Variants in HIP1 observed in about 807,000 individuals in gnomAD.
HIP1 encodes the protein huntingtin-interacting protein 1.
Under a neutral mutation model 147.6 loss-of-function variants are expected in HIP1, and 65 were observed. The observed-to-expected ratio is 0.44, with a 90% CI of 0.36 to 0.54. HIP1 has a LOEUF of 0.54. HIP1 is among the 20% of genes least tolerant of loss of function. The pLI, the probability that HIP1 is intolerant of heterozygous loss-of-function variation, is 0.00. For missense variants in HIP1, 1,061 were observed against 1,299.6 expected (o/e 0.82, Z 2.82); for synonymous variants, 479 against 504.0 (o/e 0.95, Z 0.67).
rs558802940 is a variant in HIP1 at position 75,681,205 on chromosome 7, G to A, written c.120+57596C>T. ...TGGGATTACGGGCATGAGCCACCGC[G>A]CCCAGTGATAAAATATAACTTTCTC... is the stretch of plus-strand genomic sequence containing the variant. On this transcript the variant is annotated intron_variant, in intron 1 of 30. Transcript: ENST00000336926. 1.2e-3 allele frequency among the ~76,000 whole-genome samples: 182 copies of A among 152,160 alleles called. 1 individual carries two copies. Among genetic ancestry groups the A allele is most frequent in the Non-Finnish European group, 1.5e-3 (105 of 67,994 alleles).
chr7:75,557,657 C>A lies in HIP1; in HGVS notation c.1578G>T (p.Arg526=). Residue 526 remains arginine (R), a synonymous_variant, in exon 16 of 31, where the codon CGG becomes CGT. Coordinates refer to ENST00000336926, the MANE Select transcript of HIP1 (RefSeq NM_005338.7). ...SLERISDQGQ[R]KTQEQLEVLE... ...GAGTGCTCCTCGTCCCACTCACCTT[C>A]CGCTGGCCCTGGTCACTGATGCGCT... 6.2e-7 allele frequency: 1 copy of A among 1,611,978 alleles called. No homozygotes were observed. Among genetic ancestry groups the A allele is most frequent in the Non-Finnish European group, 8.5e-7 (1 of 1,178,084 alleles).
chr7:75,698,811 C>G (rs188116055), intron 1 of HIP1, among the ~76,000 whole-genome samples: 6 of 149,772 alleles, frequency 4.0e-5, no homozygotes, highest in Non-Finnish European at 1.5e-5. Flanking sequence ...AGAGTGAGAC[C>G]CTGCCTCTTA....
At chr7:75,551,115 G>A (rs978813646) in intron 22 of HIP1, among the ~76,000 whole-genome samples, 4 of 150,250 alleles carry the variant, frequency 2.7e-5, no homozygotes, top group Non-Finnish European at 5.9e-5. Flanking sequence ...ATATACAGTA[G>A]GACTCCATTT....
At chr7:75,645,438 G>A (rs1554511024) in intron 1 of HIP1, among the ~76,000 whole-genome samples, 1 of 152,068 alleles carries the variant, frequency 6.6e-6, no homozygotes, top group African/African-American at 2.4e-5. Context: ...TGTGGGCCAG[G>A]CTGGTCTCAA....
rs192352607 is a variant in HIP1, at chr7:75,619,582, G to C, written c.121-20335C>G. On this transcript the variant is annotated intron_variant, in intron 1 of 30. Transcript: ENST00000336926. ...AAGAATGAGAGCAAAGAATAAAGAT[G>C]GTGGAAATGTGAAGAATGAAGTCAG... Among the ~76,000 whole-genome samples the C allele has an allele frequency of 6.2e-3, 943 of 151,702 alleles. 3 individuals carry two copies. The highest frequency in any genetic ancestry group is 0.016 in the Admixed American group (248 of 15,202).
intron 1 of HIP1, among the ~76,000 whole-genome samples, chr7:75,631,473 C>T (rs1312134763): frequency 1.3e-5 from 2 of 152,092 alleles, no homozygotes; most frequent in Non-Finnish European, 2.9e-5. Context: ...AGGATGCAGA[C>T]GAGCCTCCCT....
chr7:75,651,453 C>T (rs556780561), intron 1 of HIP1, among the ~76,000 whole-genome samples: 22 of 84,662 alleles, frequency 2.6e-4, no homozygotes, highest in Admixed American at 3.4e-4. Flanking sequence ...AGTGAGACTC[C>T]ATATCTCAAA....
At chr7:75,560,842 A>C (rs939364093) in intron 13 of HIP1, among the ~76,000 whole-genome samples, 3 of 151,212 alleles carry the variant, frequency 2.0e-5, no homozygotes, top group African/African-American at 7.3e-5. Context: ...TGATCCTCCT[A>C]CCTCAGCCTC....
intron 30 of HIP1, among the ~76,000 whole-genome samples, 173 bp downstream of exon 30, chr7:75,539,150 G>A (rs1250332638): frequency 6.6e-6 from 1 of 152,174 alleles, no homozygotes; most frequent in African/African-American, 2.4e-5. Flanking sequence ...CCCAAAGTTA[G>A]GCTTAAAGGT....
intron 1 of HIP1, among the ~76,000 whole-genome samples, chr7:75,648,177 TTGGAGTAGCTGAGGGCTGGA>T (rs1209719445): frequency 6.6e-6 from 1 of 152,036 alleles, no homozygotes; most frequent in Admixed American, 6.6e-5. Flanking sequence ...CTGAGGCTGG[TTGGAGTAGCTGAGGGCTGGA>T]TGGAGTAGCT....
intron 1 of HIP1, among the ~76,000 whole-genome samples, chr7:75,693,284 T>C (rs1390430386): frequency 2.6e-5 from 4 of 152,182 alleles, no homozygotes; most frequent in Non-Finnish European, 5.9e-5. Context: ...AACTCCTTTG[T>C]TGTTTTATTT....
intron 8 of HIP1, among the ~76,000 whole-genome samples, chr7:75,571,136 T>G (rs587734228): frequency 8.6e-6 from 1 of 116,404 alleles, no homozygotes; most frequent in Admixed American, 9.3e-5. Flanking sequence ...AAGAAGGCCT[T>G]TAAACCCAAA....
rs1162572341 is a variant in HIP1, at chr7:75,663,975, CAT to C, written c.121-64730_121-64729del. Among the ~76,000 whole-genome samples the C allele has an allele frequency of 1.4e-3, 20 of 14,772 alleles. 2 individuals carry two copies. The highest frequency in any genetic ancestry group is 8.3e-3 in the African/African-American group (19 of 2,288). 9.7% of individuals were successfully genotyped at this position (14,772 alleles called of 152,430 possible). On this transcript the variant is annotated intron_variant, in intron 1 of 30. Transcript: ENST00000336926. Reference sequence around the variant, plus strand: ...ACATATATGTGTATATATATATACACATATATGTGTATATATATACACATATA... The same window carrying C: ...ACATATATGTGTATATATATATACACATATGTGTATATATATACACATATA...
intron 2 of HIP1, among the ~76,000 whole-genome samples, chr7:75,595,231 TCTTTCTTTCTTTCTTTCTTTCTTC>T (rs1318535954): frequency 3.5e-4 from 37 of 106,180 alleles, no homozygotes; most frequent in Admixed American, 1.6e-3. Flanking sequence ...TTTCTTTCTT[TCTTTCTTTCTTTCTTTCTTTCTTC>T]CTTCCTTCCT....
At chr7:75,649,996 C>T (rs1248924133) in intron 1 of HIP1, among the ~76,000 whole-genome samples, 2 of 152,108 alleles carry the variant, frequency 1.3e-5, no homozygotes, top group Non-Finnish European at 2.9e-5. Context: ...GAAAGGGTGA[C>T]TTCAAGCGTG....
intron 1 of HIP1, among the ~76,000 whole-genome samples, chr7:75,674,312 T>C (rs1192660713): frequency 6.6e-6 from 1 of 152,208 alleles, no homozygotes; most frequent in Non-Finnish European, 1.5e-5. Context: ...TCATTCACTA[T>C]TAAGTATGTT....
At chr7:75,603,457 C>T (rs1368867240) in intron 1 of HIP1, among the ~76,000 whole-genome samples, 1 of 152,012 alleles carries the variant, frequency 6.6e-6, no homozygotes, top group East Asian at 1.9e-4. Context: ...TGTTGACAGC[C>T]CCAGGAAACT....
chr7:75,641,269 G>T (rs1798643286), intron 1 of HIP1, among the ~76,000 whole-genome samples: 1 of 152,050 alleles, frequency 6.6e-6, no homozygotes, highest in African/African-American at 2.4e-5. Context: ...TCACACCACT[G>T]CACTCCAGCC....
At chr7:75,607,849 C>A (rs1797286873) in intron 1 of HIP1, among the ~76,000 whole-genome samples, 1 of 152,104 alleles carries the variant, frequency 6.6e-6, no homozygotes, top group Non-Finnish European at 1.5e-5. Flanking sequence ...CGGCACTAGA[C>A]AAGGCCCTCT....
Sources: allele counts gnomAD v4.1 joint callset (sites outside exome capture counted in the v4.1 genomes callset), GRCh38; gene constraint gnomAD v4.1.1; transcripts MANE v1.5; gene names NCBI Gene and HGNC (gene_info 2026-07-23, HGNC 2026-07-21).